Variants in DNAH8 observed in about 807,000 individuals in gnomAD.
The protein encoded by DNAH8 is dynein axonemal heavy chain 8.
DNAH8 carries 382 observed loss-of-function variants against 562.1 expected under a neutral mutation model. The ratio of observed to expected loss-of-function variants is 0.68; its 90% CI spans 0.63 to 0.74. The LOEUF is 0.74. DNAH8 is among the 30% of genes least tolerant of loss of function. The probability of loss-of-function intolerance (pLI) is 0.00; values close to 1 mark genes in which losing one functional copy is unlikely to be tolerated. For missense variants in DNAH8, 5,203 were observed against 5,620.4 expected (o/e 0.93, Z 2.37); for synonymous variants, 1,881 against 1,919.4 (o/e 0.98, Z 0.52).
At chr6:38,719,753 G>T (rs1053314983) in intron 1 of DNAH8, among the ~76,000 whole-genome samples, 1 of 152,056 alleles carries the variant, frequency 6.6e-6, no homozygotes, top group Non-Finnish European at 1.5e-5. Context: ...ACAGATAGAC[G>T]CCTATTCTGC....
chr6:38,715,701 G>A (rs1762220294), intron 1 of DNAH8, among the ~76,000 whole-genome samples: 1 of 151,604 alleles, frequency 6.6e-6, no homozygotes, highest in Non-Finnish European at 1.5e-5. Flanking sequence ...ATGAGTAGGA[G>A]CTAAGCTATT....
Position 38,842,712 on chromosome 6 carries a change from C to T in DNAH8, c.4654C>T (p.Leu1552Phe). Residue 1552 changes from leucine (L) to phenylalanine (F), a missense_variant, in exon 35 of 93, where the codon CTC (leucine) becomes TTC (phenylalanine). By Grantham distance (22) the Leu-to-Phe change is conservative (BLOSUM62 0). Transcript: ENST00000327475. ...GLKDWQAFLD[L>F]KKRIDDFSES... ...TAAAGATTGGCAAGCTTTTTTGGATCTCAAAAAGAGAATTGATGATTTCAG... is the reference window on the plus strand; with the variant it reads ...TAAAGATTGGCAAGCTTTTTTGGATTTCAAAAAGAGAATTGATGATTTCAG... 1.9e-6 allele frequency: 3 copies of T among 1,613,456 alleles called. No homozygotes were observed. The highest frequency in any genetic ancestry group is 2.5e-6 in the Non-Finnish European group (3 of 1,179,790).
At chr6:38,729,588 A>G (rs772916293) in intron 3 of DNAH8, among the ~76,000 whole-genome samples, 2 of 152,220 alleles carry the variant, frequency 1.3e-5, no homozygotes, top group African/African-American at 2.4e-5. Flanking sequence ...AGAATAGTTT[A>G]TCTTAATAAT....
intron 53 of DNAH8, among the ~76,000 whole-genome samples, chr6:38,880,979 A>C (rs1290564957): frequency 6.6e-6 from 1 of 152,206 alleles, no homozygotes; most frequent in Non-Finnish European, 1.5e-5. Flanking sequence ...GTGAGCTGAG[A>C]TCGCACCACT....
chr6:38,956,113 C>T (rs1762225600), intron 82 of DNAH8, among the ~76,000 whole-genome samples: 1 of 152,218 alleles, frequency 6.6e-6, no homozygotes, highest in South Asian at 2.1e-4. Flanking sequence ...TCTCCAACCA[C>T]CCTCAGCTGA....
intron 7 of DNAH8, among the ~76,000 whole-genome samples, chr6:38,740,059 C>G (rs1289836066): frequency 2.0e-5 from 3 of 152,160 alleles, no homozygotes; most frequent in Non-Finnish European, 4.4e-5. Context: ...GTTTGTCTCA[C>G]TGGTGTATTT....
chr6:38,752,625 G>A (rs922759376), intron 9 of DNAH8, among the ~76,000 whole-genome samples: 1 of 111,522 alleles, frequency 9.0e-6, no homozygotes, highest in Non-Finnish European at 2.0e-5. Context: ...GAGGCAGGGA[G>A]AAGGAAAGAG....
Position 38,832,445 on chromosome 6 carries a change from G to A in DNAH8, c.4302+10G>A. The A allele has an allele frequency of 1.3e-6, 2 of 1,485,352 alleles. No individual in the cohort carries two copies. The highest frequency in any genetic ancestry group is 2.8e-5 in the African/African-American group (2 of 71,748). 92.0% of individuals were successfully genotyped at this position (1,485,352 alleles called of 1,614,324 possible). On this transcript the variant is annotated intron_variant, in intron 31 of 92. Transcript: ENST00000327475. ...AGAAGCATATGAATTGGTAATTTAA[G>A]TATTTTCTTGCTGTATGTTGAAATG...
intron 91 of DNAH8, among the ~76,000 whole-genome samples, chr6:39,024,702 CAA>C (rs1376457094): frequency 6.6e-6 from 1 of 152,186 alleles, no homozygotes; most frequent in Non-Finnish European, 1.5e-5. Flanking sequence ...ACATGCTGAT[CAA>C]ATCCCCTGAA....
intron 3 of DNAH8, among the ~76,000 whole-genome samples, chr6:38,728,535 T>C (rs568098006): frequency 6.6e-6 from 1 of 152,350 alleles, no homozygotes; most frequent in African/African-American, 2.4e-5. Flanking sequence ...AGAATTTGTA[T>C]GATTTCAAAG....
rs758887237 is a variant in DNAH8 at position 38,883,308 on chromosome 6, T to C, written c.8002-14T>C. On this transcript the variant is annotated splice_polypyrimidine_tract_variant and intron_variant, in intron 54 of 92. Coordinates refer to ENST00000327475, the MANE Select transcript of DNAH8 (RefSeq NM_001206927.2). ...GTTGTAACACATTTCAACACTATTA[T>C]CCTATGATTGCAGGCTGTTTTGCTC... 17 of 1,603,650 alleles carry C rather than the reference T, an allele frequency of 1.1e-5. No homozygotes were observed. The highest frequency in any genetic ancestry group is 1.4e-5 in the Non-Finnish European group (17 of 1,176,348).
intron 18 of DNAH8, among the ~76,000 whole-genome samples, chr6:38,787,976 G>A (rs1024124822): frequency 2.0e-5 from 3 of 151,984 alleles, no homozygotes; most frequent in Admixed American, 2.0e-4. Flanking sequence ...ATTAGTAATA[G>A]CAAAAGACTG....
intron 3 of DNAH8, among the ~76,000 whole-genome samples, chr6:38,728,467 G>A (rs1458711183): frequency 9.2e-6 from 1 of 108,130 alleles, no homozygotes; most frequent in Non-Finnish European, 2.4e-5. Flanking sequence ...AAAATGCAAG[G>A]ATTCATTGCA....
chr6:38,724,910 C>T (rs1478818063), intron 3 of DNAH8, among the ~76,000 whole-genome samples: 1 of 151,938 alleles, frequency 6.6e-6, no homozygotes, highest in Non-Finnish European at 1.5e-5. Context: ...AGGTTGTCAC[C>T]ATGGGGGCCA....
chr6:38,925,289 ATTTTATTTTATTTTATTTT>A (rs922109932), intron 73 of DNAH8, among the ~76,000 whole-genome samples: 3 of 1,176 alleles, frequency 2.6e-3, no homozygotes, highest in African/African-American at 4.7e-3. Context: ...ATCTCTGATT[ATTTTATTTTATTTTATTTT>A]ATTTTATTTT....
chr6:38,902,524 C>T (rs1030416822), intron 62 of DNAH8, among the ~76,000 whole-genome samples: 13 of 152,154 alleles, frequency 8.5e-5, no homozygotes, highest in African/African-American at 2.7e-4. Flanking sequence ...GACTCTTGCC[C>T]GTGTTTTCCC....
chr6:38,721,615 A>G (rs1183220371), intron 1 of DNAH8, among the ~76,000 whole-genome samples: 2 of 152,226 alleles, frequency 1.3e-5, no homozygotes, highest in South Asian at 4.1e-4. Flanking sequence ...ATGTTGACAC[A>G]TTCTAGGGGA....
At chr6:38,959,872 C>T (rs9394557) in intron 82 of DNAH8, among the ~76,000 whole-genome samples, 59,597 of 151,430 alleles carry the variant, frequency 0.39, 13,482 homozygotes, top group East Asian at 0.68. Context: ...AAATGTACTA[C>T]AAAGCAATAG....
intron 62 of DNAH8, among the ~76,000 whole-genome samples, chr6:38,905,886 T>C (rs75672429): frequency 1.3e-5 from 2 of 150,906 alleles, no homozygotes; most frequent in Non-Finnish European, 2.9e-5. Flanking sequence ...ATGACTATGG[T>C]TTTTTTTGTT....
Sources: gnomAD v4.1 joint callset for allele counts (sites outside exome capture counted in the v4.1 genomes callset) on GRCh38, gnomAD v4.1.1 for gene constraint, MANE v1.5 for transcripts, NCBI Gene and HGNC (gene_info 2026-07-23, HGNC 2026-07-21) for gene names.